Variants in PCDH7 observed in about 807,000 individuals in gnomAD.
PCDH7 encodes protocadherin-7.
PCDH7 carries 17 observed loss-of-function variants against 58.9 expected under a neutral mutation model. The observed-to-expected ratio is 0.29, with a 90% CI of 0.20 to 0.43. The LOEUF is 0.43. PCDH7 is among the 20% of genes least tolerant of loss of function. The pLI is 1.00. For synonymous variants in PCDH7, 664 were observed against 616.4 expected (o/e 1.08, Z -1.14); for missense variants, 1,274 against 1,441.0 (o/e 0.88, Z 1.88).
At chr4:30,957,117 G>T (rs1286265136) in intron 3 of PCDH7, among the ~76,000 whole-genome samples, 1 of 152,016 alleles carries the variant, frequency 6.6e-6, no homozygotes, top group East Asian at 1.9e-4. Context: ...CATGGCTCTG[G>T]TCACGAGAGT....
chr4:30,897,270 T>A (rs1739574298), intron 1 of PCDH7, among the ~76,000 whole-genome samples: 1 of 152,150 alleles, frequency 6.6e-6, no homozygotes, highest in African/African-American at 2.4e-5. Flanking sequence ...ATACAAACAT[T>A]GAAAGTGCTT....
intron 1 of PCDH7, among the ~76,000 whole-genome samples, chr4:30,807,762 A>G (rs1174538244): frequency 6.6e-6 from 1 of 152,160 alleles, no homozygotes; most frequent in African/African-American, 2.4e-5. Context: ...GTGAAAAAAA[A>G]AAAGGAAATT....
chr4:31,091,820 A>G (rs1333489989), intron 3 of PCDH7, among the ~76,000 whole-genome samples: 1 of 152,030 alleles, frequency 6.6e-6, no homozygotes, highest in Non-Finnish European at 1.5e-5. Flanking sequence ...TTTACAACTT[A>G]GAAACATAGG....
chr4:30,895,314 A>G (rs568856887), intron 1 of PCDH7, among the ~76,000 whole-genome samples: 1 of 152,194 alleles, frequency 6.6e-6, no homozygotes, highest in African/African-American at 2.4e-5. Context: ...TCATGATGTG[A>G]TCTCAGCTAA....
intron 1 of PCDH7, among the ~76,000 whole-genome samples, chr4:30,770,308 C>T (rs1405796013): frequency 6.6e-6 from 1 of 152,168 alleles, no homozygotes; most frequent in Admixed American, 6.5e-5. Context: ...GTTTTCTTTT[C>T]CTTCAAGGAA....
At chr4:30,793,373 G>A (rs1282152037) in intron 1 of PCDH7, among the ~76,000 whole-genome samples, 1 of 152,086 alleles carries the variant, frequency 6.6e-6, no homozygotes, top group Non-Finnish European at 1.5e-5. Flanking sequence ...TTCTAAATTA[G>A]TAGTTACCAA....
chr4:30,889,411 A>AT (rs1276408078), intron 1 of PCDH7, among the ~76,000 whole-genome samples: 1 of 152,046 alleles, frequency 6.6e-6, no homozygotes, highest in Non-Finnish European at 1.5e-5. Flanking sequence ...ACATTATAAC[A>AT]TTTTCAGAAT....
intron 3 of PCDH7, among the ~76,000 whole-genome samples, chr4:31,010,104 C>T (rs1024319099): frequency 3.3e-5 from 5 of 151,938 alleles, no homozygotes; most frequent in Non-Finnish European, 5.9e-5. Flanking sequence ...TACTGTCCTT[C>T]TTATTGTATT....
intron 1 of PCDH7, among the ~76,000 whole-genome samples, chr4:30,869,723 G>T (rs986181773): frequency 6.6e-6 from 1 of 152,068 alleles, no homozygotes; most frequent in African/African-American, 2.4e-5. Flanking sequence ...TTGCTATTGG[G>T]AACAGTGCTG....
At chr4:30,789,437 A>C (rs1298441520) in intron 1 of PCDH7, among the ~76,000 whole-genome samples, 2 of 152,162 alleles carry the variant, frequency 1.3e-5, no homozygotes, top group African/African-American at 4.8e-5. Flanking sequence ...TCTGCTTTAG[A>C]AGAAGCAACA....
intron 3 of PCDH7, among the ~76,000 whole-genome samples, chr4:30,983,142 G>A (rs1292215685): frequency 6.6e-6 from 1 of 152,090 alleles, no homozygotes; most frequent in Non-Finnish European, 1.5e-5. Flanking sequence ...TTCCACCTAA[G>A]ACCATGTTGG....
At chr4:30,882,404 C>T (rs962574431) in intron 1 of PCDH7, among the ~76,000 whole-genome samples, 2 of 151,968 alleles carry the variant, frequency 1.3e-5, no homozygotes, top group East Asian at 1.9e-4. Context: ...GGATGACAGA[C>T]GCACAACCAT....
chr4:31,047,596 G>A (rs1408376238), intron 3 of PCDH7, among the ~76,000 whole-genome samples: 1 of 152,006 alleles, frequency 6.6e-6, no homozygotes, highest in Non-Finnish European at 1.5e-5. Flanking sequence ...TACAGTAGAG[G>A]CAAAGAGAGA....
intron 3 of PCDH7, among the ~76,000 whole-genome samples, chr4:30,991,745 G>A (rs1358415578): frequency 2.0e-5 from 3 of 151,876 alleles, no homozygotes; most frequent in African/African-American, 7.3e-5. Context: ...GGCTTCCTGT[G>A]GTTTTAGCCT....
intron 1 of PCDH7, among the ~76,000 whole-genome samples, chr4:30,805,046 C>A (rs777070619): frequency 3.3e-5 from 5 of 152,118 alleles, no homozygotes; most frequent in Non-Finnish European, 7.4e-5. Flanking sequence ...TAAATCTTGT[C>A]ATTTGAATAG....
intron 1 of PCDH7, among the ~76,000 whole-genome samples, chr4:30,779,580 A>G (rs1244740423): frequency 6.6e-6 from 1 of 152,212 alleles, no homozygotes; most frequent in East Asian, 1.9e-4. Context: ...AACCAAAGGG[A>G]TCATATAGAA....
intron 3 of PCDH7, among the ~76,000 whole-genome samples, chr4:31,010,402 T>G (rs1204007488): frequency 6.6e-6 from 1 of 151,958 alleles, no homozygotes; most frequent in Non-Finnish European, 1.5e-5. Flanking sequence ...CCTCCTTAGC[T>G]TTAGAGAAAA....
chr4:30,756,338 G>A (rs939423183), intron 1 of PCDH7, among the ~76,000 whole-genome samples: 1 of 151,972 alleles, frequency 6.6e-6, no homozygotes, highest in African/African-American at 2.4e-5. Flanking sequence ...AGCACCACAC[G>A]GGGGATCAAA....
exon 4 of PCDH7, chr4:31,142,503 C>A (rs773373616): frequency 7.3e-7 from 1 of 1,367,708 alleles, no homozygotes; most frequent in Non-Finnish European, 9.8e-7. Context: ...GTAGCCCTGA[C>A]TGGGAAGTGC....
Sources: gnomAD v4.1 joint callset for allele counts (sites outside exome capture counted in the v4.1 genomes callset) on GRCh38, gnomAD v4.1.1 for gene constraint, MANE v1.5 for transcripts, NCBI Gene and HGNC (gene_info 2026-07-23, HGNC 2026-07-21) for gene names.